PAN3: variants seen among roughly 807,000 people sequenced by gnomAD.
The protein encoded by PAN3 is PAN2-PAN3 deadenylation complex subunit PAN3.
Under a neutral mutation model 96.2 loss-of-function variants are expected in PAN3, and 19 were observed. That is an observed-to-expected ratio of 0.20 (90% CI 0.14 to 0.29). PAN3 has a LOEUF of 0.29. PAN3 is among the 10% of genes least tolerant of loss of function. The pLI is 1.00. For missense variants in PAN3, 882 were observed against 1,108.1 expected (o/e 0.80, Z 2.90); for synonymous variants, 433 against 406.6 (o/e 1.06, Z -0.78).
chr13:28,269,541 C>T (rs1464832935), intron 12 of PAN3, among the ~76,000 whole-genome samples: 2 of 151,528 alleles, frequency 1.3e-5, no homozygotes, highest in Non-Finnish European at 2.9e-5. Context: ...GGAGTTGATA[C>T]GAGATTCAGA....
intron 6 of PAN3, among the ~76,000 whole-genome samples, chr13:28,243,442 C>T (rs914452026): frequency 6.6e-6 from 1 of 152,122 alleles, no homozygotes; most frequent in African/African-American, 2.4e-5. Flanking sequence ...TTTTATTTTT[C>T]ATTTGTGTCT....
intron 1 of PAN3, among the ~76,000 whole-genome samples, chr13:28,164,666 A>T (rs1048307058): frequency 7.9e-5 from 12 of 152,208 alleles, no homozygotes; most frequent in African/African-American, 2.7e-4. Flanking sequence ...TTGTACAGTA[A>T]AGAAATGGGT....
In PAN3 at chr13:28,293,311, TAGG is replaced by T. The variant is rs747713659; in HGVS notation, c.*792_*794del. ...TTTACATTTATGCAAATTTTTTAAA[TAGG>T]AGAAAATTAAGAAATTGTGTTAAAG... On this transcript the variant is annotated 3_prime_UTR_variant, in exon 19 of 19. Coordinates refer to ENST00000380958, the MANE Select transcript of PAN3 (RefSeq NM_175854.8). 2.4e-4 allele frequency: 36 copies of T among 148,080 alleles called. No homozygotes were observed. The highest frequency in any genetic ancestry group is 6.4e-4 in the South Asian group (3 of 4,704). 9.2% of individuals were successfully genotyped at this position (148,080 alleles called of 1,614,324 possible).
At chr13:28,205,724 TC>T (rs961499466) in intron 5 of PAN3, among the ~76,000 whole-genome samples, 80 of 152,132 alleles carry the variant, frequency 5.3e-4, no homozygotes, top group African/African-American at 1.8e-3. Context: ...GTGCTTGTAG[TC>T]TCAGCTATTC....
chr13:28,188,021 A>G (rs1876712890), intron 4 of PAN3, among the ~76,000 whole-genome samples: 1 of 152,176 alleles, frequency 6.6e-6, no homozygotes, highest in African/African-American at 2.4e-5. Context: ...GACACTTTAA[A>G]ATGATCTATG....
intron 8 of PAN3, among the ~76,000 whole-genome samples, chr13:28,260,876 G>A (rs1351447123): frequency 6.6e-6 from 1 of 152,164 alleles, no homozygotes; most frequent in Non-Finnish European, 1.5e-5. Context: ...TCTAATAGAT[G>A]TAGGTTAAAA....
rs550037052 is a variant in PAN3, at chr13:28,166,791, T to C, written c.431-7481T>C. Among the ~76,000 whole-genome samples, 29 of 152,202 alleles carry C rather than the reference T, an allele frequency of 1.9e-4. No individual in the cohort carries two copies. In the South Asian group the frequency reaches 3.3e-3, roughly 17 times the overall value. On this transcript the variant is annotated intron_variant, in intron 1 of 18. Coordinates refer to ENST00000380958, the MANE Select transcript of PAN3 (RefSeq NM_175854.8). ...TTGTGCCCACTTTTGCCCTCCAGAG[T>C]GGAGGCCTGAGCTGCACCTGGCTGC...
intron 6 of PAN3, among the ~76,000 whole-genome samples, chr13:28,250,620 G>A (rs1191300742): frequency 2.0e-5 from 3 of 152,108 alleles, no homozygotes; most frequent in Non-Finnish European, 4.4e-5. Context: ...ACCCGCCTCG[G>A]CCTCCCAAAG....
chr13:28,231,301 T>G (rs1593522038), intron 6 of PAN3, among the ~76,000 whole-genome samples: 1 of 152,210 alleles, frequency 6.6e-6, no homozygotes, highest in Non-Finnish European at 1.5e-5. Flanking sequence ...ACTGAAGTTA[T>G]GTCAAAGGGA....
intron 5 of PAN3, chr13:28,215,000 C>G: frequency 7.7e-7 from 1 of 1,293,558 alleles, no homozygotes; most frequent in Non-Finnish European, 1.1e-6. Flanking sequence ...AGCCAACTTA[C>G]AGCCAGAAGA....
At chr13:28,159,971 C>G (rs191634286) in intron 1 of PAN3, among the ~76,000 whole-genome samples, 17 of 151,616 alleles carry the variant, frequency 1.1e-4, no homozygotes, top group Admixed American at 9.8e-4. Flanking sequence ...CAGAGTCTCG[C>G]TCTATCACCC....
intron 15 of PAN3, among the ~76,000 whole-genome samples, chr13:28,279,394 G>A (rs372687272): frequency 2.4e-4 from 36 of 152,208 alleles, no homozygotes; most frequent in African/African-American, 8.2e-4. Flanking sequence ...ATTAATCTTT[G>A]CAAAACAACA....
chr13:28,282,261 T>C (rs1369250715), intron 17 of PAN3, among the ~76,000 whole-genome samples: 1 of 151,962 alleles, frequency 6.6e-6, no homozygotes, highest in Non-Finnish European at 1.5e-5. Context: ...ACTATGACTA[T>C]ATACGTAAGT....
At chr13:28,232,358 A>G (rs1173681363) in intron 6 of PAN3, 4 of 152,182 alleles carry the variant, frequency 2.6e-5, no homozygotes, top group African/African-American at 9.7e-5. Context: ...CAAGAGTAGA[A>G]AATTGTTCTA....
intron 1 of PAN3, among the ~76,000 whole-genome samples, chr13:28,139,505 GGGGTGTGTTTGTGTGTGT>G (rs1869340669): frequency 8.3e-6 from 1 of 120,506 alleles, no homozygotes; most frequent in African/African-American, 4.2e-5. Context: ...CTAGTGGGGA[GGGGTGTGTTTGTGTGTGT>G]GTGTGTGTGT....
intron 6 of PAN3, among the ~76,000 whole-genome samples, chr13:28,233,661 A>G (rs1257386236): frequency 6.6e-6 from 1 of 152,128 alleles, no homozygotes; most frequent in East Asian, 1.9e-4. Flanking sequence ...GTTGCAAATT[A>G]ATTTTGTGTT....
chr13:28,194,098 A>G lies in PAN3; in HGVS notation c.691-3087A>G, dbSNP rs547251348. Among the ~76,000 whole-genome samples the G allele has an allele frequency of 6.6e-5, 10 of 151,840 alleles. No homozygotes were observed. In the South Asian group the frequency reaches 2.1e-3, roughly 32 times the overall value. On this transcript the variant is annotated intron_variant, in intron 4 of 18. Transcript: ENST00000380958. ...CCTGAACTAGGGAGGCGGAGGTTGC[A>G]GTGAGCTGAGATGATACCACTGCGC...
chr13:28,191,427 A>G (rs1877245698), intron 4 of PAN3, among the ~76,000 whole-genome samples: 4 of 152,304 alleles, frequency 2.6e-5, no homozygotes, highest in African/African-American at 9.6e-5. Context: ...AACATTTGGT[A>G]ATATCTGGAG....
chr13:28,186,920 AAAAAT>A (rs1387877977), intron 4 of PAN3, among the ~76,000 whole-genome samples: 5 of 152,352 alleles, frequency 3.3e-5, no homozygotes, highest in Non-Finnish European at 7.3e-5. Flanking sequence ...TCTTGTTTAA[AAAAAT>A]AAAACTGGCC....
Sources: allele counts gnomAD v4.1 joint callset (sites outside exome capture counted in the v4.1 genomes callset), GRCh38; gene constraint gnomAD v4.1.1; transcripts MANE v1.5; gene names NCBI Gene and HGNC (gene_info 2026-07-23, HGNC 2026-07-21).